Variants in ATP8B4 observed in about 807,000 individuals in gnomAD.
The protein encoded by ATP8B4 is ATPase phospholipid transporting 8B4 (putative).
ATP8B4 carries 133 observed loss-of-function variants against 145.6 expected under a neutral mutation model. The observed-to-expected ratio is 0.91, with a 90% CI of 0.79 to 1.05. The LOEUF (loss-of-function observed/expected upper bound fraction) is 1.05, where lower values mean the gene tolerates loss of function less well. Among genes scored for constraint, ATP8B4 ranks in the 50% least tolerant of loss-of-function variants. ATP8B4 has a pLI of 0.00. For missense variants in ATP8B4, 1,458 were observed against 1,425.2 expected (o/e 1.02, Z -0.37); for synonymous variants, 507 against 492.9 (o/e 1.03, Z -0.38).
At chr15:49,989,195 T>A (rs1555446754) in intron 9 of ATP8B4, among the ~76,000 whole-genome samples, 1 of 152,216 alleles carries the variant, frequency 6.6e-6, no homozygotes, top group Non-Finnish European at 1.5e-5. Flanking sequence ...TGATTTAAAC[T>A]GGCTCAAGTT....
chr15:50,071,158 ACATGTGCGT>A (rs1038171458), intron 3 of ATP8B4, among the ~76,000 whole-genome samples: 3 of 152,210 alleles, frequency 2.0e-5, no homozygotes, highest in Non-Finnish European at 4.4e-5. Flanking sequence ...CCACAGCCAC[ACATGTGCGT>A]GCTTTTGTTC....
intron 19 of ATP8B4, chr15:49,917,245 A>G (rs931134691): frequency 2.0e-6 from 1 of 512,236 alleles, no homozygotes; most frequent in African/African-American, 1.9e-5. Context: ...TACTTGCTAA[A>G]CCCATGCACA....
chr15:49,945,494 C>T (rs527250919), intron 14 of ATP8B4, among the ~76,000 whole-genome samples: 1 of 152,240 alleles, frequency 6.6e-6, no homozygotes, highest in South Asian at 2.1e-4. Flanking sequence ...AGAGGGAACA[C>T]TTCCAAACTC....
At chr15:50,025,458 C>T (rs1484985086) in intron 6 of ATP8B4, among the ~76,000 whole-genome samples, 1 of 152,208 alleles carries the variant, frequency 6.6e-6, no homozygotes, top group Non-Finnish European at 1.5e-5. Context: ...CCTCCTTCCC[C>T]TCCACAGGAC....
At chr15:50,068,995 G>A (rs2053559446) in intron 3 of ATP8B4, among the ~76,000 whole-genome samples, 2 of 152,104 alleles carry the variant, frequency 1.3e-5, no homozygotes, top group South Asian at 4.2e-4. Context: ...CTGGCTGTTT[G>A]GCTCACTCAC....
At chr15:50,072,964 C>G (rs865920666) in intron 3 of ATP8B4, among the ~76,000 whole-genome samples, 1 of 33,936 alleles carries the variant, frequency 2.9e-5, no homozygotes, top group African/African-American at 1.3e-4. Context: ...CTCTCTCTCT[C>G]TCTCTCTCTC....
chr15:50,113,420 C>G (rs1042964923), intron 1 of ATP8B4: 12 of 152,136 alleles, frequency 7.9e-5, no homozygotes, highest in Non-Finnish European at 1.3e-4. Context: ...TATTTGGTAT[C>G]AGTGACAGCT....
intron 6 of ATP8B4, among the ~76,000 whole-genome samples, chr15:50,027,965 C>G (rs2050138839): frequency 6.6e-6 from 1 of 152,238 alleles, no homozygotes; most frequent in Non-Finnish European, 1.5e-5. Context: ...TGAGGACTTA[C>G]TGTATTCTCC....
At chr15:49,988,375 G>A (rs140841138) in intron 9 of ATP8B4, among the ~76,000 whole-genome samples, 6 of 152,138 alleles carry the variant, frequency 3.9e-5, no homozygotes, top group Non-Finnish European at 7.4e-5. Context: ...CATATCCACT[G>A]CAAACAGGTA....
chr15:49,952,010 G>T (rs1282705193), intron 14 of ATP8B4, among the ~76,000 whole-genome samples: 3 of 152,138 alleles, frequency 2.0e-5, no homozygotes, highest in African/African-American at 7.2e-5. Context: ...TAAGAATGTT[G>T]AATATTGACC....
At chr15:49,939,444 C>CA (rs1567035712) in intron 14 of ATP8B4, among the ~76,000 whole-genome samples, 3 of 151,980 alleles carry the variant, frequency 2.0e-5, no homozygotes, top group African/African-American at 7.2e-5. Flanking sequence ...CACAGAAACA[C>CA]AAAAGATCCT....
intron 10 of ATP8B4, among the ~76,000 whole-genome samples, chr15:49,984,842 T>C (rs2046450628): frequency 6.6e-6 from 1 of 152,086 alleles, no homozygotes; most frequent in Non-Finnish European, 1.5e-5. Flanking sequence ...CAGTGTGCAC[T>C]CAAGATGGTA....
chr15:49,979,622 ATATAAGGAAATGGG>A lies in ATP8B4; in HGVS notation c.1015_1028del (p.Pro339CysfsTer38). The A allele has an allele frequency of 6.8e-7, 1 of 1,478,712 alleles. No individual in the cohort carries two copies. The highest frequency in any genetic ancestry group is 9.1e-7 in the Non-Finnish European group (1 of 1,094,834). 91.6% of individuals were successfully genotyped at this position (1,478,712 alleles called of 1,614,324 possible). A position where few individuals can be genotyped will look rare whatever the true frequency, so the allele number is the denominator to read the frequency against. On this transcript the variant is annotated frameshift_variant, in exon 12 of 28. Transcript: ENST00000284509. LOFTEE classifies it high-confidence loss of function. ...AATATAAACTCTCATCTTACCTCAC[ATATAAGGAAATGGG>A]TACAACTGTATTGAGAATAATAATA...
intron 25 of ATP8B4, among the ~76,000 whole-genome samples, chr15:49,869,594 T>TA (rs1249725910): frequency 6.6e-6 from 1 of 152,146 alleles, no homozygotes; most frequent in Non-Finnish European, 1.5e-5. Flanking sequence ...TTATATGAGG[T>TA]AAAAATCTCT....
At chr15:49,953,955 A>T (rs2043325569) in intron 14 of ATP8B4, among the ~76,000 whole-genome samples, 1 of 152,132 alleles carries the variant, frequency 6.6e-6, no homozygotes, top group South Asian at 2.1e-4. Context: ...TCTCTCAGGT[A>T]GGCCGCCCAC....
intron 16 of ATP8B4, among the ~76,000 whole-genome samples, chr15:49,927,495 C>G (rs1292494500): frequency 2.0e-5 from 3 of 152,058 alleles, no homozygotes; most frequent in Non-Finnish European, 4.4e-5. Context: ...AAAAATCCTC[C>G]TGATTAAAAA....
At chr15:49,886,525 A>G (rs1438822223) in intron 23 of ATP8B4, among the ~76,000 whole-genome samples, 3 of 152,206 alleles carry the variant, frequency 2.0e-5, no homozygotes, top group Non-Finnish European at 4.4e-5. Flanking sequence ...CTTTATTGAG[A>G]CAATTAACCA....
intron 3 of ATP8B4, among the ~76,000 whole-genome samples, chr15:50,072,350 C>T (rs913233241): frequency 7.9e-5 from 12 of 152,122 alleles, no homozygotes; most frequent in African/African-American, 2.9e-4. Context: ...AACTACTCTA[C>T]CAGTTTTCTA....
At position 50,047,513 on chromosome 15, in the gene ATP8B4, G is replaced by A; in HGVS notation, c.88-49C>T. ...TAGTTTGGGGCAAGGCATTGCTCAT[G>A]ATCAGAAATAGCTCTAAAACCTACA... On this transcript the variant is annotated intron_variant, in intron 3 of 27. Coordinates refer to ENST00000284509, the MANE Select transcript of ATP8B4 (RefSeq NM_024837.4). The A allele has an allele frequency of 2.7e-6, 3 of 1,127,002 alleles. No homozygotes were observed. The South Asian group carries it at 3.8e-5, about 14-fold the overall frequency. The allele number at this position is 1,127,002 out of a possible 1,614,324, so 69.8% of individuals were successfully genotyped here. A position where few individuals can be genotyped will look rare whatever the true frequency, so the allele number is the denominator to read the frequency against.
Sources: allele counts gnomAD v4.1 joint callset (sites outside exome capture counted in the v4.1 genomes callset), GRCh38; gene constraint gnomAD v4.1.1; transcripts MANE v1.5; gene names NCBI Gene and HGNC (gene_info 2026-07-23, HGNC 2026-07-21).